The following PPM1B variants were observed in gnomAD, a reference collection of about 807,000 sequenced individuals.
PPM1B encodes the protein protein phosphatase, Mg2+/Mn2+ dependent 1B, also known as protein phosphatase 1B.
Under a neutral mutation model 43.0 loss-of-function variants are expected in PPM1B, and 22 were observed. The ratio of observed to expected loss-of-function variants is 0.51; its 90% CI spans 0.37 to 0.73. PPM1B has a LOEUF of 0.73. Ranked by LOEUF, PPM1B falls within the 30% of genes least tolerant of loss-of-function variation. The pLI is 0.00. For synonymous variants in PPM1B, 217 were observed against 197.9 expected, an observed-to-expected ratio of 1.10 and a Z score of -0.81; for missense variants, 632 against 584.2, an observed-to-expected ratio of 1.08 and a Z score of -0.84.
chr2:44,205,267 T>C (rs1669123783), intron 2 of PPM1B, among the ~76,000 whole-genome samples: 1 of 152,056 alleles, frequency 6.6e-6, no homozygotes, highest in Non-Finnish European at 1.5e-5. Context: ...GAGACTAGTT[T>C]TCTGACTCAA....
downstream of PPM1B, among the ~76,000 whole-genome samples, chr2:44,238,320 A>C (rs944063894): frequency 1.3e-5 from 2 of 152,202 alleles, no homozygotes; most frequent in African/African-American, 2.4e-5. Context: ...AGCTTATTTT[A>C]AATATTTAAT....
chr2:44,236,786 A>G (rs1227719587), downstream of PPM1B, among the ~76,000 whole-genome samples: 1 of 152,148 alleles, frequency 6.6e-6, no homozygotes, highest in Admixed American at 6.5e-5. Flanking sequence ...TTAAGGTTAT[A>G]TTTTTTAAAT....
At chr2:44,225,432 A>G (rs938641571) in intron 5 of PPM1B, among the ~76,000 whole-genome samples, 1 of 152,244 alleles carries the variant, frequency 6.6e-6, no homozygotes, top group African/African-American at 2.4e-5. Flanking sequence ...TGAGAGAGTT[A>G]CATAACAGTG....
At chr2:44,222,637 A>G (rs1180306307) in intron 5 of PPM1B, among the ~76,000 whole-genome samples, 1 of 152,208 alleles carries the variant, frequency 6.6e-6, no homozygotes, top group Non-Finnish European at 1.5e-5. Context: ...GAGATGAGGT[A>G]GTTTGCACAG....
downstream of PPM1B, among the ~76,000 whole-genome samples, chr2:44,244,820 G>GATATATATATAT (rs542334922): frequency 0.016 from 2,134 of 129,380 alleles, 25 homozygotes; most frequent in South Asian, 0.024. Flanking sequence ...AATTACTTGA[G>GATATATATATAT]ATATATATAT....
At chr2:44,208,738 A>T (rs1235412464) in intron 2 of PPM1B, among the ~76,000 whole-genome samples, 1 of 152,176 alleles carries the variant, frequency 6.6e-6, no homozygotes, top group African/African-American at 2.4e-5. Flanking sequence ...ATAATTGTTT[A>T]GTTTAGTATT....
At chr2:44,223,355 T>C (rs1159387125) in intron 5 of PPM1B, among the ~76,000 whole-genome samples, 2 of 152,218 alleles carry the variant, frequency 1.3e-5, no homozygotes, top group Non-Finnish European at 2.9e-5. Flanking sequence ...TTATTAAATT[T>C]TGCATGCATT....
At position 44,211,707 on chromosome 2, in the gene PPM1B, A is replaced by G. The variant is rs766573992; in HGVS notation, c.964+2380A>G. Among the ~76,000 whole-genome samples the G allele has an allele frequency of 1.9e-4, 29 of 151,364 alleles. 1 individual carries two copies. The highest frequency in any genetic ancestry group is 6.6e-4 in the Admixed American group (10 of 15,210). The stretch of plus-strand genomic sequence containing the variant: ...GCATCCATTTGCGATTTTTGCCTGA[A>G]GAATGATAGCCAACTGGTGATTTTC... On this transcript the variant is annotated intron_variant, in intron 3 of 5. Transcript: ENST00000282412.
chr2:44,194,630 G>A (rs1243113140), intron 1 of PPM1B, among the ~76,000 whole-genome samples: 2 of 152,096 alleles, frequency 1.3e-5, no homozygotes, highest in South Asian at 4.1e-4. Context: ...GGCTGAGGCA[G>A]GAGAATGGTG....
chr2:44,223,661 A>T (rs1250248927), intron 5 of PPM1B, among the ~76,000 whole-genome samples: 1 of 151,182 alleles, frequency 6.6e-6, no homozygotes, highest in Non-Finnish European at 1.5e-5. Context: ...TACAAAAAAA[A>T]CAAAATTAGC....
At chr2:44,212,365 C>A (rs1202472398) in intron 3 of PPM1B, among the ~76,000 whole-genome samples, 1 of 152,150 alleles carries the variant, frequency 6.6e-6, no homozygotes, top group Non-Finnish European at 1.5e-5. Context: ...CTTCCTCACT[C>A]CAAATTGCCC....
chr2:44,191,702 G>A (rs1035389079), intron 1 of PPM1B, among the ~76,000 whole-genome samples: 1 of 151,608 alleles, frequency 6.6e-6, no homozygotes, highest in Admixed American at 6.6e-5. Context: ...AATTTCTCTG[G>A]GTGGATACTC....
chr2:44,194,575 T>C (rs1173010610), intron 1 of PPM1B, among the ~76,000 whole-genome samples: 1 of 151,942 alleles, frequency 6.6e-6, no homozygotes, highest in East Asian at 1.9e-4. Context: ...TAGAAAAAAT[T>C]AGCCAGGCGT....
intron 1 of PPM1B, among the ~76,000 whole-genome samples, chr2:44,177,462 A>C (rs1342846026): frequency 8.1e-6 from 1 of 123,446 alleles, no homozygotes; most frequent in Non-Finnish European, 1.6e-5. Flanking sequence ...CTTGTTGCCC[A>C]GGCTGGAGTG....
chr2:44,182,496 G>C (rs1667929991), intron 1 of PPM1B, among the ~76,000 whole-genome samples: 1 of 152,048 alleles, frequency 6.6e-6, no homozygotes, highest in African/African-American at 2.4e-5. Flanking sequence ...CCCCACCTCA[G>C]GTGATCCACC....
chr2:44,213,533 C>A (rs1055849059), intron 3 of PPM1B, among the ~76,000 whole-genome samples: 4 of 151,942 alleles, frequency 2.6e-5, no homozygotes, highest in Non-Finnish European at 4.4e-5. Flanking sequence ...TATGTAATTA[C>A]AATTAAAAGT....
chr2:44,200,133 G>T (rs1403169488), intron 1 of PPM1B, among the ~76,000 whole-genome samples: 1 of 152,148 alleles, frequency 6.6e-6, no homozygotes, highest in African/African-American at 2.4e-5. Flanking sequence ...ACATTTTATG[G>T]TGTTTATTGT....
Position 44,201,179 on chromosome 2 carries a change from A to G in PPM1B, c.-14-7A>G, listed in dbSNP as rs766592225. 11 of 1,562,662 alleles carry G rather than the reference A, an allele frequency of 7.0e-6. No individual in the cohort carries two copies. The highest frequency in any genetic ancestry group is 8.7e-6 in the Non-Finnish European group (10 of 1,153,460). ...TAAACATTTAACACCTGCATTTTTTATTTCAGATTTATTGCTAAACATGGG... is the reference window on the plus strand; with the variant it reads ...TAAACATTTAACACCTGCATTTTTTGTTTCAGATTTATTGCTAAACATGGG... On this transcript the variant is annotated splice_region_variant and splice_polypyrimidine_tract_variant and intron_variant, in intron 1 of 5. Coordinates refer to ENST00000282412, the MANE Select transcript of PPM1B (RefSeq NM_002706.6). The surrounding 1 kb of genome is among the most constrained non-coding windows in gnomAD (Gnocchi z 5.4).
chr2:44,233,532 A>G, downstream of PPM1B: 1 of 985,244 alleles, frequency 1.0e-6, no homozygotes, highest in Non-Finnish European at 1.2e-6. Context: ...TAATGAATGT[A>G]TCCATTTGTA....
Sources: allele counts gnomAD v4.1 joint callset (sites outside exome capture counted in the v4.1 genomes callset), GRCh38; gene constraint gnomAD v4.1.1; non-coding constraint Gnocchi (gnomAD v3.1); transcripts MANE v1.5; gene names NCBI Gene and HGNC (gene_info 2026-07-23, HGNC 2026-07-21).